CKMT2: variants seen among roughly 807,000 people sequenced by gnomAD.
CKMT2 encodes creatine kinase, mitochondrial 2.
In CKMT2, 43 loss-of-function variants were observed where a neutral mutation model predicts 48.9. The ratio of observed to expected loss-of-function variants is 0.88; its 90% CI spans 0.69 to 1.13. The LOEUF (loss-of-function observed/expected upper bound fraction) is 1.13. CKMT2 is among the 50% of genes most tolerant of loss of function. CKMT2 has a pLI of 0.00. For missense variants in CKMT2, 472 were observed against 555.4 expected (o/e 0.85, Z 1.51); for synonymous variants, 206 against 213.0 (o/e 0.97, Z 0.29).
chr5:81,265,849 C>T (rs1580462874), intron 9 of CKMT2, among the ~76,000 whole-genome samples: 1 of 152,146 alleles, frequency 6.6e-6, no homozygotes, highest in South Asian at 2.1e-4. Flanking sequence ...TACTTCTAGA[C>T]AAACTCTGAT....
chr5:81,255,335 C>T (rs1395136391), intron 5 of CKMT2, 121 bp downstream of exon 5: 1 of 828,064 alleles, frequency 1.2e-6, no homozygotes, highest in Non-Finnish European at 1.9e-6. Context: ...TGGGCTCCAC[C>T]CCTGAGCTCA....
chr5:81,234,450 T>C (rs1756194723), intron 1 of CKMT2, among the ~76,000 whole-genome samples: 1 of 152,138 alleles, frequency 6.6e-6, no homozygotes, highest in African/African-American at 2.4e-5. Flanking sequence ...CTCTCTGTCC[T>C]CTCATAGAGG....
chr5:81,257,581 T>G, intron 6 of CKMT2, 152 bp from the exon 7 acceptor site: 1 of 557,304 alleles, frequency 1.8e-6, no homozygotes, highest in Non-Finnish European at 3.1e-6. Context: ...AACATTATTT[T>G]GTCATACTTG....
chr5:81,260,481 G>A (rs13165636), intron 8 of CKMT2, among the ~76,000 whole-genome samples: 70,305 of 151,804 alleles, frequency 0.46, 17,098 homozygotes, highest in Admixed American at 0.58. Context: ...CACTAGTCAG[G>A]CTAAAAAGAG....
intron 2 of CKMT2, 91 bp from the exon 3 acceptor site, chr5:81,252,604 C>A: frequency 3.0e-6 from 4 of 1,313,714 alleles, no homozygotes; most frequent in Non-Finnish European, 3.3e-6. Flanking sequence ...CTGAAGGGAG[C>A]CTAGTGGAAG....
At chr5:81,254,742 C>T in intron 4 of CKMT2, 1 of 595,952 alleles carries the variant, frequency 1.7e-6, no homozygotes, top group South Asian at 2.1e-5. Context: ...AAGCTACTCC[C>T]TTTTTCATCC....
At chr5:81,237,667 C>T (rs186821033) in intron 1 of CKMT2, 41 of 152,212 alleles carry the variant, frequency 2.7e-4, no homozygotes, top group African/African-American at 8.4e-4. Flanking sequence ...CTGCCTTCTC[C>T]GAGTCCGTTA....
intron 2 of CKMT2, among the ~76,000 whole-genome samples, chr5:81,251,655 C>T (rs1756820382): frequency 6.6e-6 from 1 of 152,184 alleles, no homozygotes; most frequent in Admixed American, 6.5e-5. Context: ...ATGCTTTCCC[C>T]TGCTGGAAAC....
chr5:81,261,469 C>T, intron 8 of CKMT2, among the ~76,000 whole-genome samples: 1 of 152,154 alleles, frequency 6.6e-6, no homozygotes, highest in South Asian at 2.1e-4. Flanking sequence ...CATCTCAGCC[C>T]AAAATCTTAA....
At chr5:81,260,909 T>TAAAAA (rs1274071980) in intron 8 of CKMT2, among the ~76,000 whole-genome samples, 1 of 151,762 alleles carries the variant, frequency 6.6e-6, no homozygotes, top group African/African-American at 2.4e-5. Context: ...AGAGACACAA[T>TAAAAA]AAAAAAAGAA....
At chr5:81,257,357 G>C (rs1482799293) in intron 6 of CKMT2, among the ~76,000 whole-genome samples, 1 of 152,080 alleles carries the variant, frequency 6.6e-6, no homozygotes, top group East Asian at 1.9e-4. Flanking sequence ...ATCTTGGGTG[G>C]AAGGTAACCC....
intron 2 of CKMT2, chr5:81,252,405 G>A (rs1736855363): frequency 2.3e-6 from 1 of 439,354 alleles, no homozygotes; most frequent in African/African-American, 2.0e-5. Flanking sequence ...CACACTCCAG[G>A]GTAAGACAGC....
At chr5:81,257,978 C>CCGTATTGTTTGTTCTTG in intron 7 of CKMT2, 122 bp downstream of exon 7, 1 of 878,956 alleles carries the variant, frequency 1.1e-6, no homozygotes, top group Non-Finnish European at 1.7e-6. Flanking sequence ...GAAATCAAAG[C>CCGTATTGTTTGTTCTTG]AACTGCCGCC....
Position 81,259,141 on chromosome 5 carries a change from C to T in CKMT2, c.901C>T (p.Arg301Ter), listed in dbSNP as rs375003065. The change falls in exon 8 of 10, where the codon CGA (arginine) becomes TGA (stop). Residue 301 changes from arginine to a stop codon, truncating the protein, a stop_gained. Transcript: ENST00000254035. LOFTEE classifies it high-confidence loss of function. Reference protein sequence around the residue: ...LKEVERLIQERGWEFMWNERL... With the variant: ...LKEVERLIQE ...GTAGGTAGAACGGTTAATCCAAGAA[C>T]GAGGCTGGGAGTTCATGTGGAATGA... The T allele has an allele frequency of 1.1e-5, 18 of 1,612,974 alleles. No homozygotes were observed. Among genetic ancestry groups the T allele is most frequent in the East Asian group, 4.5e-5 (2 of 44,872 alleles).
At chr5:81,255,278 G>C in intron 5 of CKMT2, 64 bp downstream of exon 5, 1 of 1,433,902 alleles carries the variant, frequency 7.0e-7, no homozygotes, top group Non-Finnish European at 9.7e-7. Context: ...GCACAGGAAG[G>C]CCTCTCCTGG....
intron 3 of CKMT2, among the ~76,000 whole-genome samples, chr5:81,253,573 G>A (rs768800375): frequency 7.9e-5 from 12 of 152,172 alleles, no homozygotes; most frequent in Non-Finnish European, 1.3e-4. Context: ...TTCTGTTGCA[G>A]GGAGCTGAAG....
At chr5:81,244,320 T>C (rs1756536048) in intron 1 of CKMT2, 1 of 359,898 alleles carries the variant, frequency 2.8e-6, no homozygotes. Context: ...GTTCTTGGGA[T>C]GAGTAACCAC....
At chr5:81,250,982 A>AAGAGAG (rs71876955) in intron 1 of CKMT2, 131 bp from the exon 2 acceptor site, 6 of 415,468 alleles carry the variant, frequency 1.4e-5, no homozygotes, top group Admixed American at 4.0e-5. Context: ...CACACACAGA[A>AAGAGAG]AGAGAGAGAG....
Position 81,256,895 on chromosome 5 carries a change from T to G in CKMT2, c.670-20T>G. On this transcript the variant is annotated intron_variant, in intron 5 of 9. Transcript: ENST00000254035. ...ATCTCATCAGTCTCTCCTCTCTGCT[T>G]TATCCCTTTTGGCCTACAGGACCAC... 1 of 1,587,916 alleles carries G rather than the reference T, an allele frequency of 6.3e-7. No individual in the cohort carries two copies.
Sources: gnomAD v4.1 joint callset for allele counts (sites outside exome capture counted in the v4.1 genomes callset) on GRCh38, gnomAD v4.1.1 for gene constraint, MANE v1.5 for transcripts, NCBI Gene and HGNC (gene_info 2026-07-23, HGNC 2026-07-21) for gene names.